Variants in PDE1A observed in about 807,000 individuals in gnomAD.
The protein encoded by PDE1A is dual specificity calcium/calmodulin-dependent 3',5'-cyclic nucleotide phosphodiesterase 1A.
In PDE1A, 35 loss-of-function variants were observed where a neutral mutation model predicts 61.7. That is an observed-to-expected ratio of 0.57 (90% CI 0.43 to 0.75). The LOEUF is 0.75. PDE1A is among the 30% of genes least tolerant of loss of function. PDE1A has a pLI of 0.00. For synonymous variants in PDE1A, 232 were observed against 213.2 expected, an observed-to-expected ratio of 1.09 and a Z score of -0.77; for missense variants, 597 against 630.6, an observed-to-expected ratio of 0.95 and a Z score of 0.57.
chr2:182,490,897 A>T (rs1688343759), intron 2 of PDE1A, among the ~76,000 whole-genome samples: 1 of 152,104 alleles, frequency 6.6e-6, no homozygotes, highest in African/African-American at 2.4e-5. Context: ...AGGAAGAGAT[A>T]TGTGGGGCTG....
chr2:182,322,475 C>T (rs113260720), intron 1 of PDE1A, among the ~76,000 whole-genome samples: 1,690 of 152,330 alleles, frequency 0.011, 26 homozygotes, highest in South Asian at 0.069. Flanking sequence ...CACATGCCCT[C>T]TTGCCTGCCG....
At chr2:182,401,606 C>T (rs761015358) in intron 1 of PDE1A, among the ~76,000 whole-genome samples, 8 of 152,006 alleles carry the variant, frequency 5.3e-5, no homozygotes, top group Non-Finnish European at 7.4e-5. Flanking sequence ...CTCTGAAAAC[C>T]GGCACAAGAC....
At chr2:182,361,474 T>G (rs1281599505) in intron 1 of PDE1A, among the ~76,000 whole-genome samples, 1 of 152,104 alleles carries the variant, frequency 6.6e-6, no homozygotes, top group African/African-American at 2.4e-5. Flanking sequence ...CTTGTTTGTC[T>G]AATAGGTTTT....
intron 1 of PDE1A, among the ~76,000 whole-genome samples, chr2:182,267,421 GCACACATGCA>G (rs1161586915): frequency 2.0e-5 from 2 of 102,542 alleles, no homozygotes; most frequent in Non-Finnish European, 3.7e-5. Context: ...ATCCCCTCAT[GCACACATGCA>G]CACACACACA....
At chr2:182,186,178 T>C in intron 12 of PDE1A, 99 bp from the exon 13 acceptor site, 1 of 1,258,000 alleles carries the variant, frequency 7.9e-7, no homozygotes, top group African/African-American at 1.5e-5. Context: ...AAAAGCAGGA[T>C]AGTAGATGCT....
chr2:182,140,409 G>A (rs1231846536), exon 15 of PDE1A: 1 of 152,106 alleles, frequency 6.6e-6, no homozygotes, highest in Non-Finnish European at 1.5e-5. Context: ...TCTCCTTTGG[G>A]TTTCCCCCAA....
chr2:182,702,011 A>G, the PDE1A span, among the ~76,000 whole-genome samples: 1 of 152,266 alleles, frequency 6.6e-6, no homozygotes, highest in Admixed American at 6.5e-5. Context: ...TAAAGAAACC[A>G]ATTTACAGAA....
At chr2:182,685,011 G>A in the PDE1A span, among the ~76,000 whole-genome samples, 2 of 151,312 alleles carry the variant, frequency 1.3e-5, no homozygotes, top group African/African-American at 4.8e-5. Context: ...CTTGCATGAT[G>A]CAAGCTTTTG....
At chr2:182,554,253 C>T in the PDE1A span, among the ~76,000 whole-genome samples, 1 of 152,176 alleles carries the variant, frequency 6.6e-6, no homozygotes, top group Non-Finnish European at 1.5e-5. Flanking sequence ...TTTCATATTC[C>T]ATTTTAGTGC....
At chr2:182,523,010 A>G (rs755250538), upstream of PDE1A, 1 of 152,240 alleles carries the variant, frequency 6.6e-6, no homozygotes, top group Non-Finnish European at 1.5e-5. Flanking sequence ...CAAAGAGAAA[A>G]TAACATCTAA....
the PDE1A span, among the ~76,000 whole-genome samples, chr2:182,679,448 G>A: frequency 5.4e-5 from 8 of 147,766 alleles, no homozygotes; most frequent in South Asian, 2.1e-4. Flanking sequence ...TGATCCACGC[G>A]CCTCAGCCTC....
At chr2:182,669,409 T>C in the PDE1A span, among the ~76,000 whole-genome samples, 5 of 152,332 alleles carry the variant, frequency 3.3e-5, no homozygotes, top group Admixed American at 3.3e-4. Context: ...TTAACAAATA[T>C]TCCCACCAGT....
the PDE1A span, among the ~76,000 whole-genome samples, chr2:182,627,248 A>T: frequency 1.1e-4 from 3 of 27,886 alleles, 1 homozygote; most frequent in Non-Finnish European, 1.4e-4. Context: ...ATAAAATATA[A>T]ATAATATATT....
chr2:182,645,312 G>C, the PDE1A span, among the ~76,000 whole-genome samples: 1 of 152,052 alleles, frequency 6.6e-6, no homozygotes, highest in African/African-American at 2.4e-5. Flanking sequence ...TTCTGTTATG[G>C]ATATTTGTTT....
chr2:182,714,091 G>A, the PDE1A span, among the ~76,000 whole-genome samples: 2 of 151,916 alleles, frequency 1.3e-5, no homozygotes, highest in Admixed American at 6.6e-5. Context: ...ATCCTGTATG[G>A]GTTCTTCTTC....
In PDE1A at chr2:182,206,072, A is replaced by T; in HGVS notation, c.777-7T>A. 6.3e-7 allele frequency: 1 copy of T among 1,599,216 alleles called. No homozygotes were observed. Among genetic ancestry groups the T allele is most frequent in the Non-Finnish European group, 8.5e-7 (1 of 1,173,066 alleles). On this transcript the variant is annotated splice_region_variant and splice_polypyrimidine_tract_variant and intron_variant, in intron 7 of 13. Coordinates refer to ENST00000351439, the Ensembl canonical transcript of PDE1A. ...CAAAATGGCAACATCTGACCTAAGA[A>T]TTAAAAACAAAATGCCCAACAGAGG...
At chr2:182,397,777 T>C (rs1366602807) in intron 1 of PDE1A, among the ~76,000 whole-genome samples, 2 of 152,104 alleles carry the variant, frequency 1.3e-5, no homozygotes, top group Non-Finnish European at 2.9e-5. Flanking sequence ...TGGTCATCTG[T>C]GTGTCTCCTT....
At chr2:182,563,854 T>G in the PDE1A span, among the ~76,000 whole-genome samples, 39 of 152,298 alleles carry the variant, frequency 2.6e-4, no homozygotes, top group Non-Finnish European at 4.4e-5. Context: ...TTAAAGTGTT[T>G]TATCAGAGAC....
the PDE1A span, among the ~76,000 whole-genome samples, chr2:182,631,809 A>G: frequency 6.6e-6 from 1 of 152,252 alleles, no homozygotes; most frequent in African/African-American, 2.4e-5. Flanking sequence ...TCTTTCAAGT[A>G]TGATGCTAGG....
Sources: allele counts gnomAD v4.1 joint callset (sites outside exome capture counted in the v4.1 genomes callset), GRCh38; gene constraint gnomAD v4.1.1; transcripts MANE v1.5; gene names NCBI Gene and HGNC (gene_info 2026-07-23, HGNC 2026-07-21).